Variants in ACTL8 observed in about 807,000 individuals in gnomAD.
ACTL8 encodes actin-like protein 8.
ACTL8 carries 3 observed loss-of-function variants against 9.3 expected under a neutral mutation model. The observed-to-expected ratio is 0.32, with a 90% CI of 0.15 to 0.83. The LOEUF is 0.83. ACTL8 is among the 40% of genes least tolerant of loss of function. The pLI, the probability that ACTL8 is intolerant of heterozygous loss-of-function variation, is 0.57. For synonymous variants in ACTL8, 224 were observed against 205.9 expected (o/e 1.09, Z -0.75); for missense variants, 381 against 492.2 (o/e 0.77, Z 2.14).
intron 1 of ACTL8, among the ~76,000 whole-genome samples, chr1:17,776,583 C>T (rs925276706): frequency 2.6e-5 from 4 of 152,158 alleles, no homozygotes; most frequent in Admixed American, 6.5e-5. Flanking sequence ...TCCACTCTGC[C>T]GTCGTCCCTT....
chr1:17,816,200 CTTT>C (rs34383884), intron 1 of ACTL8, among the ~76,000 whole-genome samples: 9 of 139,590 alleles, frequency 6.4e-5, no homozygotes, highest in Non-Finnish European at 7.7e-5. Flanking sequence ...ATATTAATAG[CTTT>C]TTTTTTTTTT....
chr1:17,797,974 C>T (rs1412867008), intron 1 of ACTL8, among the ~76,000 whole-genome samples: 3 of 152,066 alleles, frequency 2.0e-5, no homozygotes, highest in East Asian at 3.9e-4. Flanking sequence ...GAAATGCTGT[C>T]GAATCTGAGT....
chr1:17,765,576 G>A (rs563064797), intron 1 of ACTL8, among the ~76,000 whole-genome samples: 4 of 152,296 alleles, frequency 2.6e-5, no homozygotes, highest in Admixed American at 2.0e-4. Context: ...CATCTCTTAG[G>A]TCTCAGCTCA....
chr1:17,761,020 A>G (rs759563473), intron 1 of ACTL8, among the ~76,000 whole-genome samples: 1 of 151,936 alleles, frequency 6.6e-6, no homozygotes, highest in Non-Finnish European at 1.5e-5. Context: ...CCAGGTCCCT[A>G]TCCCTCTCTG....
intron 1 of ACTL8, among the ~76,000 whole-genome samples, chr1:17,795,745 A>G (rs2066272404): frequency 6.6e-6 from 1 of 152,212 alleles, no homozygotes; most frequent in South Asian, 2.1e-4. Flanking sequence ...ACAGACCCTC[A>G]GAAGGACCTC....
intron 1 of ACTL8, among the ~76,000 whole-genome samples, chr1:17,801,313 A>C (rs2066321107): frequency 6.6e-6 from 1 of 152,260 alleles, no homozygotes; most frequent in Non-Finnish European, 1.5e-5. Flanking sequence ...GGGGAAGAGT[A>C]TAAATGGACA....
At chr1:17,808,040 A>G (rs940975692) in intron 1 of ACTL8, among the ~76,000 whole-genome samples, 3 of 152,214 alleles carry the variant, frequency 2.0e-5, no homozygotes, top group African/African-American at 7.2e-5. Context: ...GATACCCATA[A>G]AATGAGATGG....
chr1:17,812,943 C>T (rs889022264), intron 1 of ACTL8, among the ~76,000 whole-genome samples: 1 of 152,080 alleles, frequency 6.6e-6, no homozygotes, highest in South Asian at 2.1e-4. Context: ...CACTTTTCAG[C>T]GATTTATTGA....
chr1:17,804,682 ACTGCAACCT>A (rs983619108), intron 1 of ACTL8, among the ~76,000 whole-genome samples: 9 of 150,572 alleles, frequency 6.0e-5, no homozygotes, highest in East Asian at 2.0e-4. Flanking sequence ...ATCTCGGCTC[ACTGCAACCT>A]CTGCAACCTC....
chr1:17,822,485 C>CA (rs1286226456), intron 1 of ACTL8, among the ~76,000 whole-genome samples: 2 of 152,170 alleles, frequency 1.3e-5, no homozygotes, highest in African/African-American at 4.8e-5. Context: ...TAGCTGCTGC[C>CA]ATGCTCACTA....
intron 1 of ACTL8, among the ~76,000 whole-genome samples, chr1:17,765,824 C>G (rs2066040502): frequency 6.6e-6 from 1 of 152,220 alleles, no homozygotes; most frequent in Non-Finnish European, 1.5e-5. Flanking sequence ...GGCTTTCCTG[C>G]CTGCCTGGTT....
At chr1:17,772,824 G>A (rs1458165731) in intron 1 of ACTL8, among the ~76,000 whole-genome samples, 4 of 152,036 alleles carry the variant, frequency 2.6e-5, no homozygotes, top group Non-Finnish European at 5.9e-5. Context: ...TCTAAGAACC[G>A]CTTTCTTTTG....
rs2053687142 is a variant in ACTL8, at chr1:17,823,899, G to C, written c.348+543G>C. Among the ~76,000 whole-genome samples, 1 of 152,182 alleles carries C rather than the reference G, an allele frequency of 6.6e-6. No individual in the cohort carries two copies. Among genetic ancestry groups the C allele is most frequent in the Admixed American group, 6.5e-5 (1 of 15,276 alleles). ...TGCTTGGTGGAAAGGGGGTTACCAG[G>C]GAGACGTGGAATATTTGCTTATGGA... is the stretch of plus-strand genomic sequence containing the variant. On this transcript the variant is annotated intron_variant, in intron 2 of 2. Transcript: ENST00000375406. The surrounding 1 kb of genome is among the most constrained non-coding windows in gnomAD (Gnocchi z 5.3).
intron 1 of ACTL8, among the ~76,000 whole-genome samples, chr1:17,787,075 C>G (rs1031406356): frequency 6.6e-6 from 1 of 152,046 alleles, no homozygotes; most frequent in Non-Finnish European, 1.5e-5. Context: ...TTTTGTTTAT[C>G]TCCTAACCCT....
At chr1:17,807,003 G>A (rs571787757) in intron 1 of ACTL8, among the ~76,000 whole-genome samples, 21 of 152,290 alleles carry the variant, frequency 1.4e-4, no homozygotes, top group African/African-American at 4.8e-4. Context: ...TCCAGCTTGT[G>A]GAGGCCACCT....
chr1:17,773,227 T>C (rs2066095910), intron 1 of ACTL8, among the ~76,000 whole-genome samples: 1 of 152,196 alleles, frequency 6.6e-6, no homozygotes. Flanking sequence ...GGCTGCCGGC[T>C]GTGTACCTAC....
intron 1 of ACTL8, among the ~76,000 whole-genome samples, chr1:17,761,307 C>T (rs1470599441): frequency 6.6e-6 from 1 of 151,820 alleles, no homozygotes; most frequent in East Asian, 1.9e-4. Flanking sequence ...TGCCAAAGGG[C>T]CTAGCGCAGT....
chr1:17,814,117 G>A (rs1234141674), intron 1 of ACTL8, among the ~76,000 whole-genome samples: 2 of 152,098 alleles, frequency 1.3e-5, no homozygotes, highest in African/African-American at 2.4e-5. Context: ...ATGACATTTT[G>A]ATCAACCACA....
chr1:17,779,122 T>G (rs1050662629), intron 1 of ACTL8, among the ~76,000 whole-genome samples: 1 of 152,170 alleles, frequency 6.6e-6, no homozygotes, highest in African/African-American at 2.4e-5. Flanking sequence ...ATTCCAGATG[T>G]GCTAAACGAC....
Sources: allele counts gnomAD v4.1 joint callset (sites outside exome capture counted in the v4.1 genomes callset), GRCh38; gene constraint gnomAD v4.1.1; non-coding constraint Gnocchi (gnomAD v3.1); transcripts MANE v1.5; gene names NCBI Gene and HGNC (gene_info 2026-07-23, HGNC 2026-07-21).